LMF1: variants seen among roughly 807,000 people sequenced by gnomAD.
LMF1 encodes the protein lipase maturation factor 1.
In LMF1, 68 loss-of-function variants were observed where a neutral mutation model predicts 60.6. That is an observed-to-expected ratio of 1.12 (90% CI 0.92 to 1.37). The LOEUF (loss-of-function observed/expected upper bound fraction) is 1.37, where lower values mean the gene tolerates loss of function less well. LMF1 is among the 40% of genes most tolerant of loss of function. The pLI, the probability that LMF1 is intolerant of heterozygous loss-of-function variation, is 0.00. For synonymous variants in LMF1, 418 were observed against 324.7 expected (o/e 1.29, Z -3.09); for missense variants, 948 against 767.2 (o/e 1.24, Z -2.78).
intron 4 of LMF1, among the ~76,000 whole-genome samples, chr16:902,789 T>G (rs2070854992): frequency 1.1e-5 from 1 of 88,486 alleles, no homozygotes; most frequent in Admixed American, 1.2e-4. Context: ...AGGACTCCTG[T>G]CTCTGCTGTG....
At chr16:942,579 G>C (rs750209662) in intron 2 of LMF1, among the ~76,000 whole-genome samples, 30 of 147,734 alleles carry the variant, frequency 2.0e-4, no homozygotes, top group Non-Finnish European at 3.4e-4. Flanking sequence ...TCACACATAT[G>C]TTAGCCCACC....
chr16:937,335 T>TA (rs1462375158), intron 2 of LMF1, among the ~76,000 whole-genome samples: 2 of 152,230 alleles, frequency 1.3e-5, no homozygotes, highest in Admixed American at 6.5e-5. Flanking sequence ...GTTTTGTTCT[T>TA]TAAAGAAACT....
rs367872312 is a variant in LMF1 at position 897,418 on chromosome 16, G to C, written c.664-4346C>G. On this transcript the variant is annotated intron_variant, in intron 4 of 10. Coordinates refer to ENST00000262301, the MANE Select transcript of LMF1 (RefSeq NM_022773.4). This position sits in a 1 kb window ranked among gnomAD's most constrained non-coding sequence, Gnocchi z 4.3. ...GTGTTTGAGGAGGGGGCGCCGCCAG[G>C]CCTCCCTCCGAGCCACAACCTCCTC... Among the ~76,000 whole-genome samples, 1,166 of 152,212 alleles carry C rather than the reference G, an allele frequency of 7.7e-3. 9 individuals are homozygous for C. The highest frequency in any genetic ancestry group is 0.014 in the Non-Finnish European group (943 of 67,990).
At chr16:941,873 G>A (rs1448759793) in intron 2 of LMF1, among the ~76,000 whole-genome samples, 1 of 152,126 alleles carries the variant, frequency 6.6e-6, no homozygotes, top group Non-Finnish European at 1.5e-5. Flanking sequence ...CCTCCTTTGT[G>A]CTAATGTTGT....
chr16:860,104 TAA>T (rs2069412216), intron 10 of LMF1, among the ~76,000 whole-genome samples: 1 of 152,200 alleles, frequency 6.6e-6, no homozygotes, highest in African/African-American at 2.4e-5. Flanking sequence ...ATTTTAGTAT[TAA>T]GTTATGAAAC....
At chr16:870,976 T>TGTCCTGG in intron 7 of LMF1, 94 bp from the exon 8 acceptor site, 1 of 1,471,360 alleles carries the variant, frequency 6.8e-7, no homozygotes, top group Non-Finnish European at 9.1e-7. Context: ...AAGGGTCAGC[T>TGTCCTGG]GTCCTGGGTC....
intron 5 of LMF1, chr16:887,185 G>A (rs966272631): frequency 1.3e-5 from 2 of 152,226 alleles, no homozygotes; most frequent in Non-Finnish European, 2.9e-5. Context: ...AGGCATTACA[G>A]GATCTCCTGG....
intron 3 of LMF1, among the ~76,000 whole-genome samples, chr16:916,310 G>C (rs918670041): frequency 6.6e-6 from 1 of 152,176 alleles, no homozygotes; most frequent in Non-Finnish European, 1.5e-5. Context: ...TGTTAAAATC[G>C]GGGACGAGGG....
At chr16:858,361 G>A (rs1382499136) in intron 10 of LMF1, among the ~76,000 whole-genome samples, 51 of 40,968 alleles carry the variant, frequency 1.2e-3, no homozygotes, top group Non-Finnish European at 1.8e-3. Context: ...GTGTGCAGTG[G>A]TGTCTCGGGA....
chr16:858,766 G>C (rs2069304984), intron 10 of LMF1, among the ~76,000 whole-genome samples: 1 of 108,724 alleles, frequency 9.2e-6, no homozygotes, highest in Admixed American at 7.8e-5. Flanking sequence ...GGTGTCACGG[G>C]ACGGGTGTGC....
At chr16:981,061 C>T (rs1372372436) in intron 1 of LMF1, 1 of 243,138 alleles carries the variant, frequency 4.1e-6, no homozygotes, top group South Asian at 3.4e-5. Flanking sequence ...GCGCCCCCGC[C>T]CGCGCTCTCC....
chr16:869,095 C>A lies in LMF1; in HGVS notation c.1417-39G>T, dbSNP rs144542273. On this transcript the variant is annotated intron_variant, in intron 9 of 10. Coordinates refer to ENST00000262301, the MANE Select transcript of LMF1 (RefSeq NM_022773.4). The stretch of plus-strand genomic sequence containing the variant: ...TCGGGCTGGAGACGGCTGTGCCACT[C>A]GCTGTCCAGGCACAGCCCCTCCGGA... 613 of 1,351,308 alleles carry A rather than the reference C, an allele frequency of 4.5e-4. 1 individual carries two copies. In the African/African-American group the frequency reaches 7.9e-3, roughly 17 times the overall value. 83.7% of individuals were successfully genotyped at this position (1,351,308 alleles called of 1,614,324 possible).
chr16:932,833 C>A (rs116924061), intron 3 of LMF1, among the ~76,000 whole-genome samples: 2 of 151,836 alleles, frequency 1.3e-5, no homozygotes, highest in East Asian at 3.9e-4. Context: ...TGGCGCACTG[C>A]GGGGGAGGCC....
chr16:869,803 G>A (rs547955062), intron 9 of LMF1, 80 bp downstream of exon 9: 539 of 1,438,970 alleles, frequency 3.7e-4, no homozygotes, highest in Middle Eastern at 1.1e-3. Context: ...TTCAGTGGGC[G>A]TTCTAGAAAC....
chr16:882,013 C>T (rs966409157), intron 5 of LMF1, among the ~76,000 whole-genome samples: 3 of 152,132 alleles, frequency 2.0e-5, no homozygotes, highest in South Asian at 2.1e-4. Context: ...CAAGCGTCCC[C>T]GTGGGAAGCG....
chr16:932,931 C>T lies in LMF1; in HGVS notation c.514+1313G>A, dbSNP rs564306976. ...CTAGGGGAGGCCTGGGGACTCAGGC[C>T]GCCGCACACGCTTCCTCACGTCTAC... On this transcript the variant is annotated intron_variant, in intron 3 of 10. Coordinates refer to ENST00000262301, the MANE Select transcript of LMF1 (RefSeq NM_022773.4). Among the ~76,000 whole-genome samples, 37 of 151,410 alleles carry T rather than the reference C, an allele frequency of 2.4e-4. 1 individual carries two copies. Among genetic ancestry groups the T allele is most frequent in the South Asian group, 1.2e-3 (6 of 4,808 alleles).
chr16:957,013 C>T (rs1023981596), intron 1 of LMF1, among the ~76,000 whole-genome samples: 4 of 151,766 alleles, frequency 2.6e-5, no homozygotes, highest in African/African-American at 9.7e-5. Flanking sequence ...AAAAATTAGT[C>T]GGATGTGGTG....
intron 1 of LMF1, chr16:968,313 A>G (rs1398041793): frequency 6.6e-6 from 1 of 152,236 alleles, no homozygotes; most frequent in Non-Finnish European, 1.5e-5. Flanking sequence ...TGCTGAGACA[A>G]TCTGCCTAAG....
chr16:977,833 A>C (rs953332677), intron 1 of LMF1, among the ~76,000 whole-genome samples: 1 of 150,624 alleles, frequency 6.6e-6, no homozygotes, highest in African/African-American at 2.5e-5. Flanking sequence ...ACACACACAC[A>C]CACACCATAC....
Sources: allele counts gnomAD v4.1 joint callset (sites outside exome capture counted in the v4.1 genomes callset), GRCh38; gene constraint gnomAD v4.1.1; non-coding constraint Gnocchi (gnomAD v3.1); transcripts MANE v1.5; gene names NCBI Gene and HGNC (gene_info 2026-07-23, HGNC 2026-07-21).